Variants in SHANK2 observed in about 807,000 individuals in gnomAD.
The protein encoded by SHANK2 is SH3 and multiple ankyrin repeat domains 2, also known as SH3 and multiple ankyrin repeat domains protein 2.
SHANK2 carries 43 observed loss-of-function variants against 133.7 expected under a neutral mutation model. The ratio of observed to expected loss-of-function variants is 0.32; its 90% CI spans 0.25 to 0.41. The LOEUF (loss-of-function observed/expected upper bound fraction) is 0.41, where lower values mean the gene tolerates loss of function less well. Ranked by LOEUF, SHANK2 falls within the 10% of genes least tolerant of loss-of-function variation. The pLI, the probability that SHANK2 is intolerant of heterozygous loss-of-function variation, is 1.00. For missense variants in SHANK2, 1,994 were observed against 2,235.8 expected, an observed-to-expected ratio of 0.89 and a Z score of 2.18; for synonymous variants, 1,017 against 952.8, an observed-to-expected ratio of 1.07 and a Z score of -1.24.
At chr11:71,234,832 C>T (rs559776308) in intron 1 of SHANK2, among the ~76,000 whole-genome samples, 51 of 152,182 alleles carry the variant, frequency 3.4e-4, no homozygotes, top group African/African-American at 9.4e-4. Flanking sequence ...ACCCCATGAA[C>T]GGAGGGAGGA....
chr11:70,544,787 A>G (rs540469022), intron 17 of SHANK2, among the ~76,000 whole-genome samples: 13 of 152,296 alleles, frequency 8.5e-5, no homozygotes, highest in Admixed American at 2.6e-4. Flanking sequence ...ACCTCAGCCC[A>G]CCCTCAGGCT....
chr11:70,515,151 C>T lies in SHANK2; in HGVS notation c.2062-12220G>A, dbSNP rs532027890. Among the ~76,000 whole-genome samples the T allele has an allele frequency of 5.9e-5, 9 of 152,252 alleles. No individual in the cohort carries two copies. In the South Asian group the frequency reaches 1.7e-3, roughly 28 times the overall value. On this transcript the variant is annotated intron_variant, in intron 17 of 25. Coordinates refer to ENST00000601538, the MANE Select transcript of SHANK2 (RefSeq NM_012309.5). ...GACTTCCCAGGCTCAGGTGATTCTCCCACCTCAGCCTCCCAAGTAGCTGAG... is the reference window on the plus strand; with the variant it reads ...GACTTCCCAGGCTCAGGTGATTCTCTCACCTCAGCCTCCCAAGTAGCTGAG...
intron 6 of SHANK2, among the ~76,000 whole-genome samples, chr11:71,096,816 T>G (rs1246629531): frequency 6.6e-6 from 1 of 152,176 alleles, no homozygotes; most frequent in East Asian, 1.9e-4. Context: ...ACATATAATT[T>G]TCATAGCTGA....
chr11:70,946,371 A>C (rs1488390626), intron 10 of SHANK2, among the ~76,000 whole-genome samples: 1,438 of 93,780 alleles, frequency 0.015, 1 homozygote, highest in African/African-American at 0.033. Context: ...ACTTCCCAGG[A>C]TCAGCCTCCC....
intron 10 of SHANK2, among the ~76,000 whole-genome samples, chr11:70,945,240 T>A (rs1469426251): frequency 6.6e-6 from 1 of 152,088 alleles, no homozygotes; most frequent in Non-Finnish European, 1.5e-5. Context: ...GAGGAAGCAT[T>A]CTAGTCAGAG....
intron 17 of SHANK2, among the ~76,000 whole-genome samples, chr11:70,650,400 T>C (rs1025982318): frequency 1.3e-5 from 2 of 152,140 alleles, no homozygotes; most frequent in Admixed American, 6.5e-5. Flanking sequence ...TTCTCCAGAC[T>C]CCTGAGGAAG....
intron 2 of SHANK2, among the ~76,000 whole-genome samples, chr11:71,149,196 G>A (rs1364632002): frequency 1.3e-5 from 2 of 152,180 alleles, no homozygotes; most frequent in East Asian, 1.9e-4. Flanking sequence ...AGCTGAAGAC[G>A]ATGGAGGAAA....
intron 1 of SHANK2, among the ~76,000 whole-genome samples, chr11:71,250,460 T>C (rs902261739): frequency 6.6e-6 from 1 of 152,086 alleles, no homozygotes; most frequent in African/African-American, 2.4e-5. Context: ...ACATCCGGCA[T>C]AGAAACCCAC....
At chr11:70,507,857 A>T (rs1309972667) in intron 17 of SHANK2, among the ~76,000 whole-genome samples, 1 of 152,246 alleles carries the variant, frequency 6.6e-6, no homozygotes, top group Non-Finnish European at 1.5e-5. Flanking sequence ...AAATACCATC[A>T]AGACACTAAA....
At chr11:70,619,628 C>T (rs930764520) in intron 17 of SHANK2, among the ~76,000 whole-genome samples, 1 of 152,322 alleles carries the variant, frequency 6.6e-6, no homozygotes, top group South Asian at 2.1e-4. Flanking sequence ...TCTTGGGGAC[C>T]CTTATTCAGC....
At chr11:70,491,534 TGTG>T (rs2058887140) in intron 22 of SHANK2, among the ~76,000 whole-genome samples, 1 of 152,232 alleles carries the variant, frequency 6.6e-6, no homozygotes. Context: ...AGAAAAGCCT[TGTG>T]GTAAATTTAT....
chr11:70,653,957 C>T (rs933559331), intron 17 of SHANK2, among the ~76,000 whole-genome samples: 8 of 152,118 alleles, frequency 5.3e-5, no homozygotes, highest in Admixed American at 1.3e-4. Context: ...CCAGGGTCTC[C>T]GAGGAAAACA....
chr11:70,542,186 A>G (rs559693885), intron 17 of SHANK2, among the ~76,000 whole-genome samples: 46 of 152,362 alleles, frequency 3.0e-4, no homozygotes, highest in African/African-American at 1.1e-3. Context: ...GCACCTGCCA[A>G]TGTGACCTTA....
intron 2 of SHANK2, among the ~76,000 whole-genome samples, chr11:71,215,246 G>C (rs1470162): frequency 3.3e-5 from 5 of 152,088 alleles, no homozygotes; most frequent in Non-Finnish European, 5.9e-5. Flanking sequence ...TCTGAGCCTC[G>C]GTGTCCACCA....
intron 11 of SHANK2, among the ~76,000 whole-genome samples, chr11:70,859,910 G>A (rs1240199684): frequency 4.6e-5 from 7 of 152,106 alleles, no homozygotes; most frequent in South Asian, 2.1e-4. Context: ...ACCATGACCC[G>A]GGGTCCAGCT....
chr11:70,825,419 T>C (rs1431580540), intron 11 of SHANK2, among the ~76,000 whole-genome samples: 1 of 152,154 alleles, frequency 6.6e-6, no homozygotes, highest in East Asian at 1.9e-4. Flanking sequence ...GAGTATGGAC[T>C]TAGAGGGGGG....
rs3837380 is a variant in SHANK2 at position 70,661,500 on chromosome 11, TACACACACACACACACAC to T, written c.1936+78_1936+95del. On this transcript the variant is annotated intron_variant, in intron 16 of 25. Transcript: ENST00000601538. The stretch of plus-strand genomic sequence containing the variant: ...GGGGAACGTTTTTCATGCAGGCGTA[TACACACACACACACACAC>T]ACACACACACACACACACACACACA... 5.6e-4 allele frequency: 596 copies of T among 1,063,926 alleles called. 2 individuals are homozygous for T. The African/African-American group carries it at 6.0e-3, about 11-fold the overall frequency. The allele number at this position is 1,063,926 out of a possible 1,614,324, so 65.9% of individuals were successfully genotyped here. A position where few individuals can be genotyped will look rare whatever the true frequency, so the allele number is the denominator to read the frequency against.
chr11:70,953,045 G>A (rs1242660552), intron 10 of SHANK2, among the ~76,000 whole-genome samples: 2 of 151,934 alleles, frequency 1.3e-5, no homozygotes, highest in Non-Finnish European at 2.9e-5. Flanking sequence ...CCACCTTCAC[G>A]CAGCCTCCTT....
chr11:70,708,234 C>A (rs1323348475), intron 14 of SHANK2, among the ~76,000 whole-genome samples: 1 of 99,906 alleles, frequency 1.0e-5, no homozygotes, highest in Non-Finnish European at 2.1e-5. Context: ...CTGGGTGGAA[C>A]CTGTTATACC....
Sources: allele counts gnomAD v4.1 joint callset (sites outside exome capture counted in the v4.1 genomes callset), GRCh38; gene constraint gnomAD v4.1.1; transcripts MANE v1.5; gene names NCBI Gene and HGNC (gene_info 2026-07-23, HGNC 2026-07-21).